PLD1: variants seen among roughly 807,000 people sequenced by gnomAD.
PLD1 encodes phospholipase D1, also known as choline phosphatase 1.
In PLD1, 112 loss-of-function variants were observed where a neutral mutation model predicts 137.1. That is an observed-to-expected ratio of 0.82 (90% CI 0.70 to 0.96). PLD1 has a LOEUF of 0.96. Among genes scored for constraint, PLD1 ranks in the 40% least tolerant of loss-of-function variants. The pLI, the probability that PLD1 is intolerant of heterozygous loss-of-function variation, is 0.00. For synonymous variants in PLD1, 431 were observed against 454.7 expected, an observed-to-expected ratio of 0.95 and a Z score of 0.66; for missense variants, 1,321 against 1,342.0, an observed-to-expected ratio of 0.98 and a Z score of 0.24.
At chr3:171,725,888 T>C (rs1463698371) in intron 7 of PLD1, 130 bp downstream of exon 7, 1 of 669,254 alleles carries the variant, frequency 1.5e-6, no homozygotes, top group East Asian at 2.6e-5. Context: ...CATCAGTTGC[T>C]CTAACTACTG....
intron 21 of PLD1, among the ~76,000 whole-genome samples, chr3:171,654,574 C>A (rs1003898465): frequency 1.3e-5 from 2 of 152,160 alleles, no homozygotes; most frequent in Non-Finnish European, 2.9e-5. Flanking sequence ...ACCATTCATT[C>A]ATGGCACACA....
intron 8 of PLD1, chr3:171,721,576 T>C (rs1227216538): frequency 6.6e-6 from 1 of 152,180 alleles, no homozygotes; most frequent in East Asian, 1.9e-4. Context: ...GAATCACAAA[T>C]GCTTAAGGTT....
chr3:171,701,693 T>G (rs936979873), intron 11 of PLD1, among the ~76,000 whole-genome samples: 4 of 152,220 alleles, frequency 2.6e-5, no homozygotes, highest in African/African-American at 9.6e-5. Flanking sequence ...CATGGCTGCA[T>G]GGCAAGAAGA....
chr3:171,635,342 A>C (rs150026809), intron 23 of PLD1, among the ~76,000 whole-genome samples: 1 of 152,274 alleles, frequency 6.6e-6, no homozygotes, highest in East Asian at 1.9e-4. Flanking sequence ...GAAATGCCAA[A>C]CTGGCTTTCC....
chr3:171,696,357 T>C (rs1048226933), intron 12 of PLD1, among the ~76,000 whole-genome samples: 38 of 152,332 alleles, frequency 2.5e-4, no homozygotes, highest in African/African-American at 8.7e-4. Flanking sequence ...TTTTAAATGA[T>C]GGCATTGCAG....
At chr3:171,728,810 A>G (rs1040641125) in intron 6 of PLD1, among the ~76,000 whole-genome samples, 2 of 152,258 alleles carry the variant, frequency 1.3e-5, no homozygotes, top group African/African-American at 4.8e-5. Context: ...TCAGCTAAGT[A>G]GACACATTAA....
At chr3:171,714,192 C>A in intron 8 of PLD1, 147 bp from the exon 9 acceptor site, 3 of 545,572 alleles carry the variant, frequency 5.5e-6, no homozygotes, top group South Asian at 3.1e-5. Context: ...TTTTTTTAAT[C>A]GCTATGAAAC....
Position 171,699,783 on chromosome 3 carries a change from T to C in PLD1, c.1189A>G (p.Asn397Asp). Residue 397 changes from asparagine to aspartate, a missense_variant, in exon 12 of 27, where the codon AAT becomes GAT. Coordinates refer to ENST00000351298, the MANE Select transcript of PLD1 (RefSeq NM_002662.5). ...AGAATGCAGTCCAACCTCCAACGAT[T>C]TCCCTCAACCACTGGGCGTTTCAGG... ...IFLKRPVVEG[N>D]RWRLDCILKR... 1 of 1,614,058 alleles carries C rather than the reference T, an allele frequency of 6.2e-7. No individual in the cohort carries two copies. The highest frequency in any genetic ancestry group is 1.3e-5 in the African/African-American group (1 of 75,046).
chr3:171,784,346 A>T (rs1324899141), intron 1 of PLD1, among the ~76,000 whole-genome samples: 1 of 151,466 alleles, frequency 6.6e-6, no homozygotes, highest in Non-Finnish European at 1.5e-5. Flanking sequence ...ACATGTAAGC[A>T]CTAAGTCACC....
chr3:171,701,475 G>A (rs1716232085), intron 11 of PLD1, among the ~76,000 whole-genome samples: 1 of 152,210 alleles, frequency 6.6e-6, no homozygotes, highest in Admixed American at 6.5e-5. Context: ...GCTTCGGTAT[G>A]GGGGAGACTT....
At chr3:171,732,098 T>C (rs966636340) in intron 6 of PLD1, among the ~76,000 whole-genome samples, 1 of 152,184 alleles carries the variant, frequency 6.6e-6, no homozygotes, top group Non-Finnish European at 1.5e-5. Flanking sequence ...GGAAAATTAT[T>C]GCATATGGAT....
chr3:171,623,312 A>ATTTTTTT (rs760981558), intron 23 of PLD1, among the ~76,000 whole-genome samples: 3 of 138,964 alleles, frequency 2.2e-5, no homozygotes, highest in African/African-American at 2.8e-5. Context: ...GCCCTATCAG[A>ATTTTTTT]CTTTTTTTTT....
intron 1 of PLD1, among the ~76,000 whole-genome samples, chr3:171,777,764 T>C (rs1381681545): frequency 6.6e-6 from 1 of 152,138 alleles, no homozygotes; most frequent in East Asian, 1.9e-4. Context: ...ACCCATGTCC[T>C]CTACAAAGCA....
intron 22 of PLD1, among the ~76,000 whole-genome samples, chr3:171,643,429 A>T (rs987359537): frequency 5.3e-5 from 8 of 152,154 alleles, no homozygotes; most frequent in African/African-American, 1.9e-4. Flanking sequence ...GATGAATTAT[A>T]AAATCTGACA....
chr3:171,727,979 A>G (rs1718666094), intron 6 of PLD1, among the ~76,000 whole-genome samples: 1 of 152,200 alleles, frequency 6.6e-6, no homozygotes, highest in South Asian at 2.1e-4. Flanking sequence ...AGTCAAAGGT[A>G]TCTTCATACA....
At chr3:171,629,937 C>T (rs1424248683) in intron 23 of PLD1, among the ~76,000 whole-genome samples, 1 of 152,124 alleles carries the variant, frequency 6.6e-6, no homozygotes, top group Non-Finnish European at 1.5e-5. Context: ...CATTACCATT[C>T]AGGACATAGG....
At chr3:171,758,462 G>A (rs188401526) in intron 1 of PLD1, among the ~76,000 whole-genome samples, 32 of 152,234 alleles carry the variant, frequency 2.1e-4, no homozygotes, top group African/African-American at 4.8e-4. Flanking sequence ...TGGGACTGTC[G>A]ACAATTAAAA....
In PLD1 at chr3:171,797,923, T is replaced by C. The variant is rs77556793; in HGVS notation, c.-32+12476A>G. Among the ~76,000 whole-genome samples, 7 of 152,314 alleles carry C rather than the reference T, an allele frequency of 4.6e-5. No homozygotes were observed. The East Asian group carries it at 1.2e-3, about 25-fold the overall frequency. On this transcript the variant is annotated intron_variant, in intron 1 of 26. Transcript: ENST00000351298. ...CCATTTTTCCTTGTAAGTTTCACGA[T>C]GGCTGTCCTGTGAGGATAATTTTCA... is the stretch of plus-strand genomic sequence containing the variant.
At chr3:171,670,004 G>A (rs550716954) in intron 19 of PLD1, among the ~76,000 whole-genome samples, 2 of 152,276 alleles carry the variant, frequency 1.3e-5, no homozygotes, top group African/African-American at 4.8e-5. Context: ...TGGCTTCTAA[G>A]TTACATTATG....
Sources: gnomAD v4.1 joint callset for allele counts (sites outside exome capture counted in the v4.1 genomes callset) on GRCh38, gnomAD v4.1.1 for gene constraint, MANE v1.5 for transcripts, NCBI Gene and HGNC (gene_info 2026-07-23, HGNC 2026-07-21) for gene names.